The following DPP10 variants were observed in gnomAD, a reference collection of about 807,000 sequenced individuals.
DPP10 encodes the protein inactive dipeptidyl peptidase 10.
In DPP10, 33 loss-of-function variants were observed where a neutral mutation model predicts 120.9. The ratio of observed to expected loss-of-function variants is 0.27; its 90% confidence interval spans 0.21 to 0.37. The LOEUF (loss-of-function observed/expected upper bound fraction) is 0.37, where lower values mean the gene tolerates loss of function less well. DPP10 is among the 10% of genes least tolerant of loss of function. The pLI is 1.00. For missense variants in DPP10, 816 were observed against 942.8 expected, an observed-to-expected ratio of 0.87 and a Z score of 1.76; for synonymous variants, 337 against 326.1, an observed-to-expected ratio of 1.03 and a Z score of -0.36.
At chr2:115,550,271 A>G (rs2079793950) in intron 5 of DPP10, among the ~76,000 whole-genome samples, 2 of 152,200 alleles carry the variant, frequency 1.3e-5, no homozygotes, top group African/African-American at 4.8e-5. Context: ...AAGAAAACTC[A>G]TCATTGTACA....
intron 2 of DPP10, 55 bp from the exon 3 acceptor site, chr2:115,343,762 C>T (rs1179753729): frequency 1.5e-6 from 2 of 1,292,798 alleles, no homozygotes; most frequent in African/African-American, 1.5e-5. Flanking sequence ...TAATTTGCTC[C>T]TTTTAAAAAA....
At chr2:115,822,089 T>G (rs1687874851) in intron 21 of DPP10, among the ~76,000 whole-genome samples, 1 of 152,032 alleles carries the variant, frequency 6.6e-6, no homozygotes, top group African/African-American at 2.4e-5. Context: ...GGGATTTATT[T>G]TATTTTCGTT....
intron 1 of DPP10, among the ~76,000 whole-genome samples, chr2:114,447,452 G>T (rs1449086642): frequency 3.3e-5 from 5 of 152,088 alleles, no homozygotes; most frequent in South Asian, 2.1e-4. Flanking sequence ...TGCAAGGAAT[G>T]TTTAATAACA....
At chr2:114,976,251 T>A (rs1699750896) in intron 1 of DPP10, among the ~76,000 whole-genome samples, 1 of 152,198 alleles carries the variant, frequency 6.6e-6, no homozygotes, top group Admixed American at 6.5e-5. Context: ...TTTTTTCTTC[T>A]ACCTTCCCTC....
rs1301089832 is a variant in DPP10 at position 115,384,393 on chromosome 2, CAGAAGA to C, written c.271+40484_271+40489del. ...TGTCTCAGAAAAGCAGAAGCAGAAG[CAGAAGA>C]AGGAGAAGGAGAAGAAGAAGAAGAA... On this transcript the variant is annotated intron_variant, in intron 3 of 25. Coordinates refer to ENST00000410059, the MANE Select transcript of DPP10 (RefSeq NM_020868.6). 9.9e-5 allele frequency among the ~76,000 whole-genome samples: 13 copies of C among 131,024 alleles called. No homozygotes were observed. In the East Asian group the frequency reaches 2.8e-3, roughly 28 times the overall value. The allele number at this position is 131,024 out of a possible 152,430, so 86.0% of individuals were successfully genotyped here. A position where few individuals can be genotyped will look rare whatever the true frequency, so the allele number is the denominator to read the frequency against.
intron 1 of DPP10, among the ~76,000 whole-genome samples, chr2:114,675,471 G>A (rs886523339): frequency 2.6e-5 from 4 of 152,070 alleles, no homozygotes; most frequent in African/African-American, 7.2e-5. Flanking sequence ...ATAAACACGT[G>A]GGTAAAAAGG....
intron 3 of DPP10, among the ~76,000 whole-genome samples, chr2:115,452,818 G>C (rs899435266): frequency 6.6e-6 from 1 of 151,766 alleles, no homozygotes; most frequent in African/African-American, 2.4e-5. Context: ...TAAGTATTGT[G>C]TTTCAGATGA....
At chr2:115,184,648 AT>A (rs1218972153) in intron 1 of DPP10, among the ~76,000 whole-genome samples, 3 of 152,228 alleles carry the variant, frequency 2.0e-5, no homozygotes, top group Non-Finnish European at 2.9e-5. Flanking sequence ...GTTCTTGGAT[AT>A]TAATAAATGT....
intron 3 of DPP10, among the ~76,000 whole-genome samples, chr2:115,399,018 A>T (rs1319555945): frequency 6.6e-6 from 1 of 152,130 alleles, no homozygotes; most frequent in Non-Finnish European, 1.5e-5. Flanking sequence ...GCACTTAATC[A>T]TGTAGAGATT....
At chr2:114,963,705 A>AGTCTACAG (rs1177327653) in intron 1 of DPP10, among the ~76,000 whole-genome samples, 12 of 152,158 alleles carry the variant, frequency 7.9e-5, no homozygotes, top group Non-Finnish European at 1.2e-4. Context: ...GCTAAGCTTG[A>AGTCTACAG]GTCTACAGGA....
intron 5 of DPP10, among the ~76,000 whole-genome samples, chr2:115,561,446 A>T (rs2080669614): frequency 6.6e-6 from 1 of 151,296 alleles, no homozygotes; most frequent in Non-Finnish European, 1.5e-5. Flanking sequence ...AAAAGTAGGC[A>T]TATTCACATA....
At chr2:114,539,944 G>A (rs1466287669) in intron 1 of DPP10, among the ~76,000 whole-genome samples, 1 of 151,940 alleles carries the variant, frequency 6.6e-6, no homozygotes, top group South Asian at 2.1e-4. Context: ...TGCCCACATT[G>A]CAGGTAATGA....
intron 5 of DPP10, among the ~76,000 whole-genome samples, chr2:115,607,024 C>G (rs2083745812): frequency 6.6e-6 from 1 of 152,056 alleles, no homozygotes; most frequent in African/African-American, 2.4e-5. Flanking sequence ...TCCAAACTAT[C>G]AAAAGGTAGG....
intron 1 of DPP10, among the ~76,000 whole-genome samples, chr2:115,054,380 CT>C (rs1376077264): frequency 2.0e-5 from 3 of 152,078 alleles, no homozygotes; most frequent in Non-Finnish European, 4.4e-5. Flanking sequence ...AAGCATATAT[CT>C]GTTAATCTAG....
Position 115,712,544 on chromosome 2 carries a change from A to ATATATATATATATATATATATG in DPP10, c.577-15251_577-15250insGTATATATATATATATATATAT, listed in dbSNP as rs2092359959. 6.8e-5 allele frequency among the ~76,000 whole-genome samples: 6 copies of ATATATATATATATATATATATG among 88,438 alleles called. 1 individual carries two copies. The highest frequency in any genetic ancestry group is 2.6e-4 in the African/African-American group (6 of 22,870). The allele number at this position is 88,438 out of a possible 152,430, so 58.0% of individuals were successfully genotyped here. On this transcript the variant is annotated intron_variant, in intron 7 of 25. Coordinates refer to ENST00000410059, the MANE Select transcript of DPP10 (RefSeq NM_020868.6). ...ATAGCTTTGAAGAGTCCTGAATTAA[A>ATATATATATATATATATATATG]TATATATATATATATATATATAAAG...
At chr2:114,987,566 G>T (rs1428081806) in intron 1 of DPP10, among the ~76,000 whole-genome samples, 2 of 151,644 alleles carry the variant, frequency 1.3e-5, no homozygotes, top group Non-Finnish European at 2.9e-5. Flanking sequence ...CATTTACTCA[G>T]AATGTCACCC....
rs1202316631 is a variant in DPP10, at chr2:114,987,383, G to A, written c.61-321856G>A. On this transcript the variant is annotated intron_variant, in intron 1 of 25. Transcript: ENST00000410059. ...TAAGTAACTCTCCTCTTGGACCTTA[G>A]GCTTGAGATAAATTTTCCACTTTTG... 3.9e-5 allele frequency among the ~76,000 whole-genome samples: 6 copies of A among 152,016 alleles called. No homozygotes were observed. In the East Asian group the frequency reaches 5.8e-4, roughly 15 times the overall value.
chr2:115,307,872 T>G (rs2061422963), intron 1 of DPP10, among the ~76,000 whole-genome samples: 2 of 152,080 alleles, frequency 1.3e-5, no homozygotes, highest in Admixed American at 1.3e-4. Flanking sequence ...AAAATATGAA[T>G]GAGAATCCTA....
intron 1 of DPP10, among the ~76,000 whole-genome samples, chr2:114,785,021 T>C (rs1353203375): frequency 1.3e-5 from 2 of 152,216 alleles, no homozygotes; most frequent in African/African-American, 2.4e-5. Context: ...TTGCCTTGCA[T>C]CCAGTCACCT....
Sources: allele counts gnomAD v4.1 joint callset (sites outside exome capture counted in the v4.1 genomes callset), GRCh38; gene constraint gnomAD v4.1.1; transcripts MANE v1.5; gene names NCBI Gene and HGNC (gene_info 2026-07-23, HGNC 2026-07-21).